ARHGEF10L: variants seen among roughly 807,000 people sequenced by gnomAD.
ARHGEF10L encodes Rho guanine nucleotide exchange factor 10 like, also known as rho guanine nucleotide exchange factor 10-like protein.
In ARHGEF10L, 69 loss-of-function variants were observed where a neutral mutation model predicts 141.2. The ratio of observed to expected loss-of-function variants is 0.49; its 90% confidence interval spans 0.40 to 0.60. The LOEUF (loss-of-function observed/expected upper bound fraction) is 0.60, where lower values mean the gene tolerates loss of function less well. ARHGEF10L is among the 20% of genes least tolerant of loss of function. The pLI is 0.00. For missense variants in ARHGEF10L, 1,482 were observed against 1,734.3 expected (o/e 0.85, Z 2.58); for synonymous variants, 711 against 718.5 (o/e 0.99, Z 0.17).
chr1:17,518,028 G>A, the ARHGEF10L span, among the ~76,000 whole-genome samples: 1 of 152,202 alleles, frequency 6.6e-6, no homozygotes, highest in Admixed American at 6.5e-5. Flanking sequence ...GGGCCAGATT[G>A]TAAATATTTT....
chr1:17,556,060 A>AGCCTGGGAGCACGGGGGCGG, intron 1 of ARHGEF10L, among the ~76,000 whole-genome samples: 1 of 126,640 alleles, frequency 7.9e-6, no homozygotes, highest in East Asian at 2.5e-4. Context: ...CACGGGGTTG[A>AGCCTGGGAGCACGGGGGCGG]GCCTGGGAGC....
chr1:17,532,236 G>A, the ARHGEF10L span, among the ~76,000 whole-genome samples: 1 of 152,148 alleles, frequency 6.6e-6, no homozygotes, highest in Non-Finnish European at 1.5e-5. Flanking sequence ...GGCCCTGTCT[G>A]CTGTCAGCTG....
intron 1 of ARHGEF10L, among the ~76,000 whole-genome samples, chr1:17,545,521 A>G (rs1345380016): frequency 6.6e-6 from 1 of 152,234 alleles, no homozygotes; most frequent in African/African-American, 2.4e-5. Context: ...CAGTTAATTG[A>G]GAGCTGACTT....
rs1057102253 is a variant in ARHGEF10L, at chr1:17,623,528, G to T, written c.1200+353G>T. On this transcript the variant is annotated intron_variant, in intron 12 of 28. Coordinates refer to ENST00000361221, the MANE Select transcript of ARHGEF10L (RefSeq NM_018125.4). The surrounding 1 kb of genome is among the most constrained non-coding windows in gnomAD (Gnocchi z 4.7). ...GAGGGGTTTCAAGCCAGTGTGAAAT[G>T]CTGTGAAAGACCACAACTTTGGCCC... Among the ~76,000 whole-genome samples the T allele has an allele frequency of 6.6e-6, 1 of 152,196 alleles. No individual in the cohort carries two copies. Among genetic ancestry groups the T allele is most frequent in the Non-Finnish European group, 1.5e-5 (1 of 68,042 alleles).
chr1:17,586,967 C>G (rs1310711955), intron 2 of ARHGEF10L, among the ~76,000 whole-genome samples: 2 of 152,196 alleles, frequency 1.3e-5, no homozygotes, highest in Non-Finnish European at 2.9e-5. Context: ...AGCTGGCTGC[C>G]TCCAAGTCCA....
chr1:17,655,639 G>C (rs768868151), intron 23 of ARHGEF10L, among the ~76,000 whole-genome samples: 8 of 152,266 alleles, frequency 5.3e-5, no homozygotes, highest in Admixed American at 1.3e-4. Flanking sequence ...GGAGGAAATA[G>C]AAAGCTGACT....
At chr1:17,608,482 G>A (rs1356776204) in intron 7 of ARHGEF10L, among the ~76,000 whole-genome samples, 8 of 152,214 alleles carry the variant, frequency 5.3e-5, no homozygotes, top group Admixed American at 3.3e-4. Context: ...GAGCGGCCTG[G>A]AAGCCTTCTC....
intron 4 of ARHGEF10L, among the ~76,000 whole-genome samples, chr1:17,591,579 T>G (rs1557764562): frequency 6.6e-6 from 1 of 152,036 alleles, no homozygotes; most frequent in Non-Finnish European, 1.5e-5. Context: ...CCGAACTAAT[T>G]TTTTGTATTT....
rs1446503847 is a variant in ARHGEF10L, at chr1:17,573,813, G to C, written c.-43-6740G>C. ...TTCCTGCCTGCAGATCCTCACCAGG[G>C]GCTCCCTAGGAGGTCAGTGCGGGAG... is the stretch of plus-strand genomic sequence containing the variant. On this transcript the variant is annotated intron_variant, in intron 1 of 28. Coordinates refer to ENST00000361221, the MANE Select transcript of ARHGEF10L (RefSeq NM_018125.4). This position sits in a 1 kb window ranked among gnomAD's most constrained non-coding sequence, Gnocchi z 4.8. Among the ~76,000 whole-genome samples the C allele has an allele frequency of 6.6e-6, 1 of 151,812 alleles. No individual in the cohort carries two copies. Among genetic ancestry groups the C allele is most frequent in the Non-Finnish European group, 1.5e-5 (1 of 67,836 alleles).
chr1:17,649,894 G>A (rs1253089569), intron 22 of ARHGEF10L, among the ~76,000 whole-genome samples: 3 of 152,310 alleles, frequency 2.0e-5, no homozygotes, highest in Non-Finnish European at 4.4e-5. Context: ...AGTGGGGGAA[G>A]CCAGGCGAGG....
rs1391089262 is a variant in ARHGEF10L, at chr1:17,627,838, C to T, written c.1584+335C>T. Reference sequence around the variant, plus strand: ...TTTGCCATAGGTGCTTGCTGTGTGCCCTCAAGGGAATCACCCACCCTCTCT... The same window carrying T: ...TTTGCCATAGGTGCTTGCTGTGTGCTCTCAAGGGAATCACCCACCCTCTCT... On this transcript the variant is annotated intron_variant, in intron 15 of 28. Coordinates refer to ENST00000361221, the MANE Select transcript of ARHGEF10L (RefSeq NM_018125.4). The surrounding 1 kb of genome is among the most constrained non-coding windows in gnomAD (Gnocchi z 4.0). 6.6e-6 allele frequency among the ~76,000 whole-genome samples: 1 copy of T among 152,028 alleles called. No homozygotes were observed. Among genetic ancestry groups the T allele is most frequent in the Non-Finnish European group, 1.5e-5 (1 of 68,024 alleles).
intron 1 of ARHGEF10L, among the ~76,000 whole-genome samples, chr1:17,565,588 G>A (rs114970945): frequency 4.6e-5 from 7 of 152,270 alleles, no homozygotes; most frequent in African/African-American, 1.7e-4. Context: ...TGTCAACACT[G>A]TTCAGTTCTC....
At chr1:17,520,323 G>A in the ARHGEF10L span, among the ~76,000 whole-genome samples, 4 of 152,174 alleles carry the variant, frequency 2.6e-5, no homozygotes, top group Admixed American at 6.5e-5. Flanking sequence ...CCAGCCCGGG[G>A]AGCCAGCGTA....
chr1:17,527,129 C>T, the ARHGEF10L span, among the ~76,000 whole-genome samples: 1 of 152,138 alleles, frequency 6.6e-6, no homozygotes, highest in African/African-American at 2.4e-5. Context: ...CCTGGGACTA[C>T]CGACTTGTTT....
rs1310305726 is a variant in ARHGEF10L, at chr1:17,639,540, C to T, written c.2172-662C>T. Among the ~76,000 whole-genome samples the T allele has an allele frequency of 6.6e-6, 1 of 152,100 alleles. No homozygotes were observed. Among genetic ancestry groups the T allele is most frequent in the Admixed American group, 6.5e-5 (1 of 15,270 alleles). On this transcript the variant is annotated intron_variant, in intron 20 of 28. Transcript: ENST00000361221. This position sits in a 1 kb window ranked among gnomAD's most constrained non-coding sequence, Gnocchi z 4.3. ...GCCGCCTCCCTGTTGAGTGGCCTGT[C>T]CGTCTCCCTTCCTCCATCTCCCTTC...
rs1348466722 is a variant in ARHGEF10L at position 17,623,842 on chromosome 1, AC to A, written c.1201-544del. Among the ~76,000 whole-genome samples, 2 of 152,168 alleles carry A rather than the reference AC, an allele frequency of 1.3e-5. No individual in the cohort carries two copies. Among genetic ancestry groups the A allele is most frequent in the African/African-American group, 4.8e-5 (2 of 41,450 alleles). On this transcript the variant is annotated intron_variant, in intron 12 of 28. Coordinates refer to ENST00000361221, the MANE Select transcript of ARHGEF10L (RefSeq NM_018125.4). The surrounding 1 kb of genome is among the most constrained non-coding windows in gnomAD (Gnocchi z 4.7). ...AGAAAAAAACTTTTTTTTGAAAGCC[AC>A]AGCGCTCGATAGAGTCACTGAATAG...
At chr1:17,513,857 G>A in the ARHGEF10L span, among the ~76,000 whole-genome samples, 4 of 152,028 alleles carry the variant, frequency 2.6e-5, no homozygotes, top group African/African-American at 9.6e-5. Flanking sequence ...TGTCCAGACT[G>A]GAGTGCAATG....
At position 17,619,262 on chromosome 1, in the gene ARHGEF10L, G is replaced by T; in HGVS notation, c.836-77G>T. 7.1e-7 allele frequency: 1 copy of T among 1,417,066 alleles called. No individual in the cohort carries two copies. Among genetic ancestry groups the T allele is most frequent in the Non-Finnish European group, 9.8e-7 (1 of 1,019,348 alleles). The allele number at this position is 1,417,066 out of a possible 1,614,324, so 87.8% of individuals were successfully genotyped here. On this transcript the variant is annotated intron_variant, in intron 9 of 28. Coordinates refer to ENST00000361221, the MANE Select transcript of ARHGEF10L (RefSeq NM_018125.4). The surrounding 1 kb of genome is among the most constrained non-coding windows in gnomAD (Gnocchi z 5.0). ...CCTGGGTCCAAGGCTGGTCTAGGGGGGCTCTCAGCTCCTGAGGCCTGAGCA... is the reference window on the plus strand; with the variant it reads ...CCTGGGTCCAAGGCTGGTCTAGGGGTGCTCTCAGCTCCTGAGGCCTGAGCA...
intron 1 of ARHGEF10L, among the ~76,000 whole-genome samples, chr1:17,568,799 T>C (rs111392173): frequency 1.1e-4 from 17 of 152,294 alleles, no homozygotes; most frequent in African/African-American, 4.1e-4. Context: ...AACAGTTCTC[T>C]TGGGGGATCC....
Sources: allele counts gnomAD v4.1 joint callset (sites outside exome capture counted in the v4.1 genomes callset), GRCh38; gene constraint gnomAD v4.1.1; non-coding constraint Gnocchi (gnomAD v3.1); transcripts MANE v1.5; gene names NCBI Gene and HGNC (gene_info 2026-07-23, HGNC 2026-07-21).